The following IFI16 variants were observed in gnomAD, a reference collection of about 807,000 sequenced individuals.
The protein encoded by IFI16 is gamma-interferon-inducible protein 16.
A neutral mutation model predicts 68.4 loss-of-function variants in IFI16; 49 were observed. The ratio of observed to expected loss-of-function variants is 0.72; its 90% confidence interval spans 0.57 to 0.91. The LOEUF (loss-of-function observed/expected upper bound fraction) is 0.91, where lower values mean the gene tolerates loss of function less well. Ranked by LOEUF, IFI16 falls within the 40% of genes least tolerant of loss-of-function variation. The pLI is 0.00. For missense variants in IFI16, 878 were observed against 942.9 expected (o/e 0.93, Z 0.90); for synonymous variants, 307 against 315.0 (o/e 0.97, Z 0.27).
rs1263729143 is a variant in IFI16, at chr1:159,032,525, T to C, written c.1163T>C (p.Ile388Thr). 4 of 1,569,588 alleles carry C rather than the reference T, an allele frequency of 2.5e-6. No homozygotes were observed. Among genetic ancestry groups the C allele is most frequent in the Non-Finnish European group, 3.4e-6 (4 of 1,162,936 alleles). The change falls in exon 7 of 12, where the codon ATA (isoleucine) becomes ACA (threonine). Residue 388 changes from isoleucine (I) to threonine (T), a missense_variant and splice_region_variant. Ile to Thr is a moderately conservative substitution (Grantham distance 89). This residue lies in a region of IFI16 where 443 missense variants were observed against 421.8 expected (regional missense o/e 1.05). Coordinates refer to ENST00000295809, the MANE Select transcript of IFI16 (RefSeq NM_001376587.1). ...LISEMHSFIQ[I>T]KKKTNPRNND... is the part of the protein sequence containing the mutation. ...TAAACAGAAAATGAATACTTTCAGA[T>C]AAAGAAAAAAACAAACCCGAGAAAC...
At chr1:159,002,115 C>G (rs186079713), upstream of IFI16, among the ~76,000 whole-genome samples, 2 of 152,238 alleles carry the variant, frequency 1.3e-5, no homozygotes, top group Admixed American at 1.3e-4. Context: ...ATGCCTGATA[C>G]AAAACAGCTG....
intron 6 of IFI16, 45 bp from the exon 7 acceptor site, chr1:159,032,479 T>C: frequency 8.4e-7 from 1 of 1,191,434 alleles, no homozygotes; most frequent in Non-Finnish European, 1.2e-6. Context: ...ATGTTGTGCT[T>C]CCTCTAATAT....
At chr1:159,032,968 G>A (rs1242390443) in intron 7 of IFI16, among the ~76,000 whole-genome samples, 1 of 151,786 alleles carries the variant, frequency 6.6e-6, no homozygotes. Context: ...AGAGAGAGTG[G>A]CCAGACAAGC....
chr1:159,024,445 A>C (rs1298288400), intron 6 of IFI16, among the ~76,000 whole-genome samples: 6 of 152,224 alleles, frequency 3.9e-5, no homozygotes, highest in Non-Finnish European at 8.8e-5. Flanking sequence ...GCTGACAGTT[A>C]GAAGGGGTAG....
At chr1:159,012,742 T>C (rs554651235) in intron 1 of IFI16, among the ~76,000 whole-genome samples, 1 of 152,218 alleles carries the variant, frequency 6.6e-6, no homozygotes, top group African/African-American at 2.4e-5. Context: ...GAAGACACTG[T>C]CCTGTACCAA....
intron 6 of IFI16, among the ~76,000 whole-genome samples, chr1:159,025,270 G>A (rs556163905): frequency 5.3e-5 from 8 of 152,008 alleles, no homozygotes; most frequent in South Asian, 2.1e-4. Context: ...CACCACCCCC[G>A]CGTGCTATGG....
At chr1:159,034,283 A>G (rs1654181869) in intron 7 of IFI16, among the ~76,000 whole-genome samples, 1 of 152,138 alleles carries the variant, frequency 6.6e-6, no homozygotes, top group Non-Finnish European at 1.5e-5. Flanking sequence ...ATGTGATTAA[A>G]TTTCTCACTA....
At chr1:159,028,950 G>C (rs1653831035) in intron 6 of IFI16, among the ~76,000 whole-genome samples, 1 of 152,216 alleles carries the variant, frequency 6.6e-6, no homozygotes, top group East Asian at 1.9e-4. Flanking sequence ...TTGCTGTTCT[G>C]TATGCTTTAA....
chr1:159,046,652 C>T (rs1214520551), intron 8 of IFI16, among the ~76,000 whole-genome samples: 1 of 151,122 alleles, frequency 6.6e-6, no homozygotes, highest in Non-Finnish European at 1.5e-5. Context: ...TATCCATGCT[C>T]TTAACCACAT....
chr1:159,009,265 T>TA (rs1652398496), upstream of IFI16: 1 of 152,242 alleles, frequency 6.6e-6, no homozygotes, highest in Non-Finnish European at 1.5e-5. Flanking sequence ...CAGCTAGTGT[T>TA]AAACTCCTTC....
chr1:159,011,278 G>T (rs575676417), intron 1 of IFI16, among the ~76,000 whole-genome samples: 49 of 152,048 alleles, frequency 3.2e-4, no homozygotes, highest in African/African-American at 1.1e-3. Flanking sequence ...CAGCTACTCA[G>T]GAGACTGAGG....
Position 159,018,457 on chromosome 1 carries a change from A to C in IFI16, c.778A>C (p.Ile260Leu). ...GAAATTCAATGGAAAGAAAATCATC[A>C]TCATATCAGATTATTTGGAATATGA... is the stretch of plus-strand genomic sequence containing the variant. ...KEKFNGKKII[I>L]ISDYLEYDSL... Residue 260 changes from isoleucine (I) to leucine (L), a missense_variant, in exon 5 of 12, where the codon ATC becomes CTC. Physicochemically the swap from Ile to Leu is conservative, Grantham distance 5. Coordinates refer to ENST00000295809, the MANE Select transcript of IFI16 (RefSeq NM_001376587.1). 2.5e-6 allele frequency: 4 copies of C among 1,613,594 alleles called. No homozygotes were observed. The highest frequency in any genetic ancestry group is 3.4e-6 in the Non-Finnish European group (4 of 1,179,462).
chr1:159,006,992 ATATGT>A (rs1652284364), upstream of IFI16, among the ~76,000 whole-genome samples: 2 of 152,220 alleles, frequency 1.3e-5, no homozygotes, highest in South Asian at 4.1e-4. Context: ...TCACAAATAC[ATATGT>A]TAAGTAGAAC....
In IFI16 at chr1:159,020,846, C is replaced by CAT. The variant is rs142052607; in HGVS notation, c.1161+317_1161+318insAT. On this transcript the variant is annotated intron_variant, in intron 6 of 11. Transcript: ENST00000295809. ...TCTCCATTTGTGAATTAGAAAACGT[C>CAT]GTGTGTGTGTGTGTGTGTGTGTGTG... Among the ~76,000 whole-genome samples, 5 of 148,930 alleles carry CAT rather than the reference C, an allele frequency of 3.4e-5. No homozygotes were observed. The East Asian group carries it at 9.8e-4, about 29-fold the overall frequency.
chr1:159,032,014 T>C (rs574813748), intron 6 of IFI16, among the ~76,000 whole-genome samples: 7 of 152,346 alleles, frequency 4.6e-5, no homozygotes, highest in African/African-American at 1.4e-4. Flanking sequence ...TTAAATGAGA[T>C]AATGGAAAAA....
chr1:159,013,570 G>C (rs1394234621), intron 1 of IFI16, among the ~76,000 whole-genome samples: 1 of 152,172 alleles, frequency 6.6e-6, no homozygotes, highest in Non-Finnish European at 1.5e-5. Flanking sequence ...TCCATACCTT[G>C]CACTGTCATC....
chr1:159,038,855 C>T (rs749267859), intron 7 of IFI16, among the ~76,000 whole-genome samples: 4 of 152,170 alleles, frequency 2.6e-5, no homozygotes, highest in Admixed American at 6.5e-5. Flanking sequence ...ACACACACCA[C>T]AGGACCAACA....
rs765839419 is a variant in IFI16 at position 159,018,547 on chromosome 1, G to A, written c.868G>A (p.Val290Ile). 25 of 1,613,660 alleles carry A rather than the reference G, an allele frequency of 1.5e-5. No homozygotes were observed. Among genetic ancestry groups the A allele is most frequent in the Non-Finnish European group, 2.0e-5 (24 of 1,179,708 alleles). ...SEAGPNQTFE[V>I]PNKIINRAKE... Reference sequence around the variant, plus strand: ...AGCTGGTCCTAACCAAACGTTTGAGGTTCCAAATAAAATCATCAACAGAGC... The same window carrying A: ...AGCTGGTCCTAACCAAACGTTTGAGATTCCAAATAAAATCATCAACAGAGC... Residue 290 changes from valine (V) to isoleucine (I), a missense_variant, in exon 5 of 12, where the codon GTT (valine) becomes ATT (isoleucine). Val to Ile is a conservative substitution (Grantham distance 29, BLOSUM62 3). Around this residue, in one of 4 missense-constraint regions of IFI16, gnomAD observed 443 missense variants for 421.8 expected, o/e 1.05. Coordinates refer to ENST00000295809, the MANE Select transcript of IFI16 (RefSeq NM_001376587.1).
intron 1 of IFI16, among the ~76,000 whole-genome samples, chr1:159,013,231 C>T (rs1028492339): frequency 3.1e-5 from 4 of 130,090 alleles, no homozygotes; most frequent in Non-Finnish European, 6.3e-5. Flanking sequence ...TGTAGTGGCA[C>T]GATCTCCGCT....
Sources: gnomAD v4.1 joint callset for allele counts (sites outside exome capture counted in the v4.1 genomes callset) on GRCh38, gnomAD v4.1.1 for gene constraint, gnomAD v4.1.1 regional missense constraint, MANE v1.5 for transcripts, NCBI Gene and HGNC (gene_info 2026-07-23, HGNC 2026-07-21) for gene names.